TENM2: variants seen among roughly 807,000 people sequenced by gnomAD.
TENM2 encodes teneurin transmembrane protein 2, also known as teneurin-2.
TENM2 carries 52 observed loss-of-function variants against 245.2 expected under a neutral mutation model. That is an observed-to-expected ratio of 0.21 (90% CI 0.17 to 0.27). The LOEUF is 0.27. Among genes scored for constraint, TENM2 ranks in the 10% least tolerant of loss-of-function variants. The pLI, the probability that TENM2 is intolerant of heterozygous loss-of-function variation, is 1.00. For synonymous variants in TENM2, 1,363 were observed against 1,438.9 expected, an observed-to-expected ratio of 0.95 and a Z score of 1.19; for missense variants, 3,046 against 3,666.8, an observed-to-expected ratio of 0.83 and a Z score of 4.37.
At chr5:167,084,775 T>G in the TENM2 span, among the ~76,000 whole-genome samples, 1 of 152,266 alleles carries the variant, frequency 6.6e-6, no homozygotes, top group African/African-American at 2.4e-5. Flanking sequence ...TCCATTGGCA[T>G]TATGTCAGTA....
At chr5:167,322,674 T>C (rs1199298615) in intron 1 of TENM2, among the ~76,000 whole-genome samples, 2 of 152,150 alleles carry the variant, frequency 1.3e-5, no homozygotes, top group Admixed American at 6.6e-5. Flanking sequence ...AAAAATAGGA[T>C]GGAATCAAGA....
At chr5:167,127,984 G>A in the TENM2 span, among the ~76,000 whole-genome samples, 1 of 152,004 alleles carries the variant, frequency 6.6e-6, no homozygotes, top group Non-Finnish European at 1.5e-5. Flanking sequence ...CACTGCCCAG[G>A]GTCTTTCTCT....
intron 2 of TENM2, among the ~76,000 whole-genome samples, chr5:167,654,148 T>G (rs1754671150): frequency 6.6e-6 from 1 of 152,186 alleles, no homozygotes; most frequent in African/African-American, 2.4e-5. Context: ...TTATGGGTAC[T>G]GCCAGTTCAA....
At chr5:167,350,730 TATGGATATATATATATGGGATATATAC>T (rs1758814916) in intron 1 of TENM2, among the ~76,000 whole-genome samples, 1 of 140,282 alleles carries the variant, frequency 7.1e-6, no homozygotes, top group Admixed American at 7.5e-5. Context: ...GATATATACA[TATGGATATATATATATGGGATATATAC>T]ATATGGATAT....
At chr5:167,773,960 G>T (rs1245513239) in intron 2 of TENM2, among the ~76,000 whole-genome samples, 1 of 152,088 alleles carries the variant, frequency 6.6e-6, no homozygotes, top group African/African-American at 2.4e-5. Context: ...ATTTATTGCT[G>T]CAAACCAAAG....
intron 1 of TENM2, among the ~76,000 whole-genome samples, chr5:167,349,601 T>C (rs1581804983): frequency 6.6e-6 from 1 of 152,148 alleles, no homozygotes; most frequent in Non-Finnish European, 1.5e-5. Flanking sequence ...GTAATTACTA[T>C]ATATACACAC....
At chr5:168,121,961 C>T (rs928528521) in intron 10 of TENM2, among the ~76,000 whole-genome samples, 4 of 152,152 alleles carry the variant, frequency 2.6e-5, no homozygotes, top group Non-Finnish European at 5.9e-5. Flanking sequence ...TCCCCAAATA[C>T]GATTTTTTTT....
At chr5:168,084,985 G>T (rs1448125927) in intron 7 of TENM2, among the ~76,000 whole-genome samples, 1 of 152,152 alleles carries the variant, frequency 6.6e-6, no homozygotes, top group Non-Finnish European at 1.5e-5. Flanking sequence ...CTACAACTAG[G>T]TTCTTGGAAA....
intron 19 of TENM2, among the ~76,000 whole-genome samples, chr5:168,209,779 C>G (rs539657788): frequency 6.6e-6 from 1 of 152,300 alleles, no homozygotes; most frequent in Non-Finnish European, 1.5e-5. Flanking sequence ...GTTTTTCCAG[C>G]CCTAACTCTC....
In TENM2 at chr5:168,047,407, T is replaced by C; in HGVS notation, c.1187-20T>C. ...GCTGAATTATCTATTCATATTTTCA[T>C]TACTTTGTCTCTCCTGCAGCAATGC... On this transcript the variant is annotated intron_variant, in intron 5 of 28. Coordinates refer to ENST00000518659, the Ensembl canonical transcript of TENM2. The C allele has an allele frequency of 9.7e-6, 15 of 1,551,694 alleles. No homozygotes were observed. Among genetic ancestry groups the C allele is most frequent in the Non-Finnish European group, 1.3e-5 (15 of 1,146,964 alleles).
chr5:167,012,872 T>A, the TENM2 span, among the ~76,000 whole-genome samples: 3 of 150,018 alleles, frequency 2.0e-5, no homozygotes, highest in Admixed American at 6.6e-5. Context: ...ATTTTTTTTT[T>A]ATTTGAATAA....
intron 2 of TENM2, among the ~76,000 whole-genome samples, chr5:167,462,847 T>C (rs1256774468): frequency 2.0e-5 from 3 of 151,988 alleles, no homozygotes; most frequent in Admixed American, 6.6e-5. Context: ...GCTGCCAGTT[T>C]CCAGGCTGGA....
chr5:167,362,938 T>C (rs772479269), intron 1 of TENM2, among the ~76,000 whole-genome samples: 1 of 152,240 alleles, frequency 6.6e-6, no homozygotes, highest in Non-Finnish European at 1.5e-5. Context: ...GTGTGTTTGT[T>C]ACACACACCT....
At position 168,219,216 on chromosome 5, in the gene TENM2, T is replaced by G. The variant is rs1241289929; in HGVS notation, c.5108+217T>G. ...ATATTGAGCATCCTCCCTACTAGAGTTGGGAATTCCTGTTGCCTGCTTGCC... is the reference window on the plus strand; with the variant it reads ...ATATTGAGCATCCTCCCTACTAGAGGTGGGAATTCCTGTTGCCTGCTTGCC... On this transcript the variant is annotated intron_variant, in intron 23 of 28. Transcript: ENST00000518659. 2.0e-5 allele frequency among the ~76,000 whole-genome samples: 3 copies of G among 152,284 alleles called. No homozygotes were observed. In the East Asian group the frequency reaches 5.8e-4, roughly 29 times the overall value.
chr5:168,053,035 C>G (rs972845834), intron 6 of TENM2, among the ~76,000 whole-genome samples: 1 of 152,146 alleles, frequency 6.6e-6, no homozygotes, highest in South Asian at 2.1e-4. Flanking sequence ...TCAATGAACA[C>G]AGCCCAGGGT....
In TENM2 at chr5:168,030,661, C is replaced by A. The variant is rs554688268; in HGVS notation, c.1187-16766C>A. ...GAATCATTGTATCCCCAGAACCTAG[C>A]ACAACACCAGGCACAGGGTTGAAGG... On this transcript the variant is annotated intron_variant, in intron 5 of 28. Coordinates refer to ENST00000518659, the Ensembl canonical transcript of TENM2. 2.0e-5 allele frequency among the ~76,000 whole-genome samples: 3 copies of A among 152,254 alleles called. No individual in the cohort carries two copies. The South Asian group carries it at 6.2e-4, about 32-fold the overall frequency.
At chr5:168,049,372 A>G (rs745760987) in intron 6 of TENM2, among the ~76,000 whole-genome samples, 1 of 152,224 alleles carries the variant, frequency 6.6e-6, no homozygotes, top group African/African-American at 2.4e-5. Context: ...CATAACACAC[A>G]TGTGAAATGA....
chr5:167,937,459 T>C (rs1342732012), intron 3 of TENM2, among the ~76,000 whole-genome samples: 4 of 152,166 alleles, frequency 2.6e-5, no homozygotes, highest in Non-Finnish European at 5.9e-5. Flanking sequence ...TTTTCCAGAC[T>C]GGCTGTCTCA....
At chr5:167,527,221 C>A (rs980342627) in intron 2 of TENM2, among the ~76,000 whole-genome samples, 17 of 152,004 alleles carry the variant, frequency 1.1e-4, no homozygotes, top group Admixed American at 5.3e-4. Context: ...AAGGACATAT[C>A]TGAAATATGA....
Sources: gnomAD v4.1 joint callset for allele counts (sites outside exome capture counted in the v4.1 genomes callset) on GRCh38, gnomAD v4.1.1 for gene constraint, MANE v1.5 for transcripts, NCBI Gene and HGNC (gene_info 2026-07-23, HGNC 2026-07-21) for gene names.